The following ARMH3 variants were observed in gnomAD, a reference collection of about 807,000 sequenced individuals.
ARMH3 encodes armadillo like helical domain containing 3.
A neutral mutation model predicts 99.1 loss-of-function variants in ARMH3; 60 were observed. The observed-to-expected ratio is 0.61, with a 90% confidence interval of 0.49 to 0.75. ARMH3 has a LOEUF of 0.75. Ranked by LOEUF, ARMH3 falls within the 30% of genes least tolerant of loss-of-function variation. The pLI, the probability that ARMH3 is intolerant of heterozygous loss-of-function variation, is 0.00. For missense variants in ARMH3, 679 were observed against 843.1 expected, an observed-to-expected ratio of 0.81 and a Z score of 2.41; for synonymous variants, 285 against 292.8, an observed-to-expected ratio of 0.97 and a Z score of 0.27.
At chr10:101,940,851 G>C (rs1844211910) in intron 22 of ARMH3, among the ~76,000 whole-genome samples, 1 of 152,154 alleles carries the variant, frequency 6.6e-6, no homozygotes, top group East Asian at 1.9e-4. Context: ...TCCTCTATCA[G>C]CTATGATCTT....
At chr10:101,905,411 T>C (rs1042008219) in intron 23 of ARMH3, among the ~76,000 whole-genome samples, 2 of 152,286 alleles carry the variant, frequency 1.3e-5, no homozygotes, top group Non-Finnish European at 2.9e-5. Context: ...CATACCACAA[T>C]GTGATAAATG....
At chr10:102,020,450 G>A (rs1397923675) in intron 8 of ARMH3, among the ~76,000 whole-genome samples, 1 of 152,034 alleles carries the variant, frequency 6.6e-6, no homozygotes, top group Non-Finnish European at 1.5e-5. Flanking sequence ...GCCGAGGCGG[G>A]TGGATCACGA....
chr10:101,925,043 A>G (rs1843456643), intron 23 of ARMH3, among the ~76,000 whole-genome samples: 1 of 152,176 alleles, frequency 6.6e-6, no homozygotes, highest in South Asian at 2.1e-4. Context: ...AAAAAGCAGC[A>G]CCACACAAAC....
At chr10:101,884,311 C>T (rs2067489217) in intron 24 of ARMH3, among the ~76,000 whole-genome samples, 1 of 152,098 alleles carries the variant, frequency 6.6e-6, no homozygotes, top group East Asian at 1.9e-4. Context: ...TTTGGGAATC[C>T]TTATTCCTTG....
intron 23 of ARMH3, among the ~76,000 whole-genome samples, chr10:101,927,566 ACT>A (rs1843558366): frequency 6.6e-6 from 1 of 152,172 alleles, no homozygotes; most frequent in Non-Finnish European, 1.5e-5. Context: ...CTCCATTATC[ACT>A]GTCTTAGTCA....
At chr10:102,020,216 G>A (rs769606288) in intron 8 of ARMH3, among the ~76,000 whole-genome samples, 11 of 151,644 alleles carry the variant, frequency 7.3e-5, no homozygotes, top group East Asian at 1.9e-4. Flanking sequence ...TAAATTTAAC[G>A]TAGCCTAAGT....
At chr10:101,932,794 G>A (rs1843775838) in intron 23 of ARMH3, among the ~76,000 whole-genome samples, 2 of 152,222 alleles carry the variant, frequency 1.3e-5, no homozygotes, top group South Asian at 4.1e-4. Flanking sequence ...AATGGGTACA[G>A]AGTTTCAGTT....
chr10:102,032,631 C>T (rs1449739029), intron 4 of ARMH3, among the ~76,000 whole-genome samples: 1 of 152,014 alleles, frequency 6.6e-6, no homozygotes. Flanking sequence ...AACTCCTGAC[C>T]TCAAGTGATC....
chr10:102,010,709 T>G (rs1223024219), intron 11 of ARMH3, among the ~76,000 whole-genome samples: 2 of 152,232 alleles, frequency 1.3e-5, no homozygotes, highest in East Asian at 3.8e-4. Context: ...TCCTAGAGCT[T>G]CATGTGTTTG....
intron 23 of ARMH3, among the ~76,000 whole-genome samples, chr10:101,920,285 T>C (rs1843254998): frequency 6.6e-6 from 1 of 152,136 alleles, no homozygotes; most frequent in African/African-American, 2.4e-5. Flanking sequence ...GGAAAGGACA[T>C]TCTAGGCAGG....
chr10:101,920,063 G>A (rs900050983), intron 23 of ARMH3, among the ~76,000 whole-genome samples: 6 of 152,156 alleles, frequency 3.9e-5, no homozygotes, highest in Admixed American at 2.0e-4. Flanking sequence ...TAAGAGAAAG[G>A]AACTCTATGT....
chr10:102,004,929 G>T (rs1590169152), intron 14 of ARMH3, among the ~76,000 whole-genome samples: 1 of 152,142 alleles, frequency 6.6e-6, no homozygotes, highest in Non-Finnish European at 1.5e-5. Context: ...AATTGGCCAG[G>T]CGTGGTGGCT....
intron 15 of ARMH3, among the ~76,000 whole-genome samples, chr10:101,996,338 C>T (rs1351049004): frequency 6.6e-6 from 1 of 152,218 alleles, no homozygotes; most frequent in Non-Finnish European, 1.5e-5. Flanking sequence ...TTTACCCTGA[C>T]ATTGACCTGC....
At chr10:101,951,509 G>A (rs746312446) in intron 22 of ARMH3, among the ~76,000 whole-genome samples, 2 of 152,170 alleles carry the variant, frequency 1.3e-5, no homozygotes, top group Non-Finnish European at 2.9e-5. Flanking sequence ...GAAGTTCAAA[G>A]CTGCAATGAG....
At chr10:101,982,083 T>C (rs972517891) in intron 19 of ARMH3, among the ~76,000 whole-genome samples, 5 of 143,474 alleles carry the variant, frequency 3.5e-5, no homozygotes, top group African/African-American at 1.3e-4. Context: ...ATTAAAAATA[T>C]TTTACAGGCC....
intron 23 of ARMH3, among the ~76,000 whole-genome samples, chr10:101,933,016 C>T (rs1843787708): frequency 2.0e-5 from 3 of 152,246 alleles, no homozygotes; most frequent in African/African-American, 4.8e-5. Flanking sequence ...GAAACCCCGT[C>T]TCTACTAAAA....
chr10:102,028,980 T>A (rs1266915360), intron 5 of ARMH3, among the ~76,000 whole-genome samples: 1 of 152,204 alleles, frequency 6.6e-6, no homozygotes, highest in Non-Finnish European at 1.5e-5. Flanking sequence ...CAAGCAGTCC[T>A]ACCACTTCAG....
chr10:101,973,645 A>G (rs1337469951), intron 20 of ARMH3, among the ~76,000 whole-genome samples: 9 of 152,198 alleles, frequency 5.9e-5, no homozygotes, highest in Non-Finnish European at 1.0e-4. Context: ...GAAGAGGACA[A>G]CAGATCACGA....
chr10:101,861,747 A>AT (rs1238189970), intron 24 of ARMH3, among the ~76,000 whole-genome samples: 8 of 142,226 alleles, frequency 5.6e-5, no homozygotes, highest in African/African-American at 2.1e-4. Flanking sequence ...AAAAAAAAAA[A>AT]AAAGGCTGGG....
Sources: allele counts gnomAD v4.1 joint callset (sites outside exome capture counted in the v4.1 genomes callset), GRCh38; gene constraint gnomAD v4.1.1; transcripts MANE v1.5; gene names NCBI Gene and HGNC (gene_info 2026-07-23, HGNC 2026-07-21).